Variants in ANK3 observed in about 807,000 individuals in gnomAD.
The protein encoded by ANK3 is ankyrin-3.
In ANK3, 57 loss-of-function variants were observed where a neutral mutation model predicts 370.9. That is an observed-to-expected ratio of 0.15 (90% CI 0.12 to 0.19). The LOEUF is 0.19. ANK3 is among the 10% of genes least tolerant of loss of function. The pLI, the probability that ANK3 is intolerant of heterozygous loss-of-function variation, is 1.00. For synonymous variants in ANK3, 1,929 were observed against 1,946.3 expected (o/e 0.99, Z 0.23); for missense variants, 4,439 against 5,302.1 (o/e 0.84, Z 5.06).
At chr10:60,723,027 A>G (rs866729691) in intron 1 of ANK3, among the ~76,000 whole-genome samples, 1 of 152,238 alleles carries the variant, frequency 6.6e-6, no homozygotes. Flanking sequence ...AATTACTTCA[A>G]TGGAAAAACT....
rs774238257 is a variant in ANK3 at position 60,264,055 on chromosome 10, A to G, written c.514-35T>C. ...AATGGATGGGTCAAGATGGGCTCCA[A>G]TGAATATTTTCTTTTTTATTAAATT... On this transcript the variant is annotated intron_variant, in intron 5 of 43. Transcript: ENST00000280772. 12 of 1,551,636 alleles carry G rather than the reference A, an allele frequency of 7.7e-6. No homozygotes were observed. In the East Asian group the frequency reaches 9.2e-5, roughly 12 times the overall value.
intron 2 of ANK3, among the ~76,000 whole-genome samples, chr10:60,441,985 C>A (rs77974862): frequency 4.3e-4 from 65 of 152,128 alleles, no homozygotes; most frequent in African/African-American, 1.5e-3. Context: ...TCTCTGCAAC[C>A]ACGAGATTGG....
At chr10:60,733,268 C>T (rs2132037724) in exon 1 of ANK3, 2 of 1,239,440 alleles carry the variant, frequency 1.6e-6, no homozygotes, top group South Asian at 7.9e-5. Context: ...CTCACCTGGG[C>T]AGGAGCGGAG....
chr10:60,430,957 A>C (rs2064007500), intron 2 of ANK3, among the ~76,000 whole-genome samples: 1 of 152,214 alleles, frequency 6.6e-6, no homozygotes, highest in Non-Finnish European at 1.5e-5. Flanking sequence ...GATTAAGTTA[A>C]TGCATGTAAA....
chr10:60,367,218 T>C (rs902930199), intron 1 of ANK3, among the ~76,000 whole-genome samples: 1 of 152,222 alleles, frequency 6.6e-6, no homozygotes, highest in Non-Finnish European at 1.5e-5. Flanking sequence ...TAACCGTTCC[T>C]ACCAAATGGG....
At chr10:60,132,931 T>C (rs1207065032) in intron 25 of ANK3, among the ~76,000 whole-genome samples, 3 of 152,112 alleles carry the variant, frequency 2.0e-5, no homozygotes, top group Admixed American at 6.6e-5. Context: ...TCATTTTTAA[T>C]AGAGTTTTTT....
At position 60,240,306 on chromosome 10, in the gene ANK3, A is replaced by ATATATATTTTTT. The variant is rs11282162; in HGVS notation, c.799-5521_799-5520insAAAAAATATATA. ...CATATATATATATATATATATATAT[A>ATATATATTTTTT]TTTTTTTTTCTTTTTGAGATAGAGT... On this transcript the variant is annotated intron_variant, in intron 7 of 43. Coordinates refer to ENST00000280772, the MANE Select transcript of ANK3 (RefSeq NM_020987.5). Among the ~76,000 whole-genome samples the ATATATATTTTTT allele has an allele frequency of 4.4e-3, 531 of 119,736 alleles. 17 individuals carry two copies. Among genetic ancestry groups the ATATATATTTTTT allele is most frequent in the Non-Finnish European group, 7.2e-3 (423 of 58,524 alleles). 78.6% of individuals were successfully genotyped at this position (119,736 alleles called of 152,430 possible). A position where few individuals can be genotyped will look rare whatever the true frequency, so the allele number is the denominator to read the frequency against.
chr10:60,140,953 A>G, intron 23 of ANK3: 4 of 985,584 alleles, frequency 4.1e-6, no homozygotes, highest in Non-Finnish European at 4.8e-6. Flanking sequence ...GAAGAAAACA[A>G]AGCAGTGGCC....
chr10:60,382,985 C>G (rs1229383886), intron 1 of ANK3, among the ~76,000 whole-genome samples: 1 of 151,770 alleles, frequency 6.6e-6, no homozygotes, highest in Non-Finnish European at 1.5e-5. Context: ...CTTTCAACAT[C>G]TCAAAAGTGA....
At position 60,088,142 on chromosome 10, in the gene ANK3, A is replaced by AT; in HGVS notation, c.3540+4dup. The AT allele has an allele frequency of 6.2e-7, 1 of 1,613,820 alleles. No homozygotes were observed. The highest frequency in any genetic ancestry group is 2.2e-5 in the East Asian group (1 of 44,872). ...CTGAGGGAAACAACTTTTTGTGAACATTACCTGGAGGCCCACTCGAATTCT... is the reference window on the plus strand; with the variant it reads ...CTGAGGGAAACAACTTTTTGTGAACATTTACCTGGAGGCCCACTCGAATTCT... On this transcript the variant is annotated splice_donor_region_variant and intron_variant, in intron 29 of 43. Coordinates refer to ENST00000280772, the MANE Select transcript of ANK3 (RefSeq NM_020987.5).
chr10:60,597,201 A>T (rs566512906), intron 2 of ANK3, among the ~76,000 whole-genome samples: 2 of 152,284 alleles, frequency 1.3e-5, no homozygotes, highest in Admixed American at 1.3e-4. Context: ...AGAAATGTCT[A>T]TCAATATTTA....
At chr10:60,306,836 T>C (rs2045244596) in intron 1 of ANK3, among the ~76,000 whole-genome samples, 1 of 152,232 alleles carries the variant, frequency 6.6e-6, no homozygotes, top group African/African-American at 2.4e-5. Context: ...ACTTAGGGTA[T>C]TTATGAATGG....
At chr10:60,428,970 A>G (rs987019684) in intron 2 of ANK3, among the ~76,000 whole-genome samples, 6 of 152,192 alleles carry the variant, frequency 3.9e-5, no homozygotes, top group Non-Finnish European at 7.3e-5. Flanking sequence ...GCTTATTTTA[A>G]ATGTCTATGT....
intron 1 of ANK3, chr10:60,300,449 G>A (rs1052854248): frequency 1.6e-6 from 2 of 1,286,422 alleles, no homozygotes; most frequent in African/African-American, 3.0e-5. Flanking sequence ...AAATGTAAAG[G>A]TTTCCCCCAC....
At chr10:60,116,011 A>G (rs1167933291) in intron 25 of ANK3, among the ~76,000 whole-genome samples, 1 of 152,138 alleles carries the variant, frequency 6.6e-6, no homozygotes, top group African/African-American at 2.4e-5. Context: ...CAGAGAGAAT[A>G]AGAGAAAACA....
intron 42 of ANK3, among the ~76,000 whole-genome samples, chr10:60,054,512 C>G (rs1051301725): frequency 6.6e-6 from 1 of 152,064 alleles, no homozygotes; most frequent in African/African-American, 2.4e-5. Flanking sequence ...AAGCAACTTA[C>G]TTACAGGGAA....
intron 2 of ANK3, among the ~76,000 whole-genome samples, chr10:60,505,320 A>G (rs2075908570): frequency 6.6e-6 from 1 of 152,034 alleles, no homozygotes; most frequent in Admixed American, 6.6e-5. Flanking sequence ...AAAGATATAT[A>G]TATAAATTAT....
intron 2 of ANK3, among the ~76,000 whole-genome samples, chr10:60,520,445 A>T (rs2076322931): frequency 6.6e-6 from 1 of 152,190 alleles, no homozygotes; most frequent in Non-Finnish European, 1.5e-5. Flanking sequence ...TTAAAAAAAT[A>T]ATAAATTTTG....
chr10:60,403,669 G>A (rs1567012124), intron 2 of ANK3, among the ~76,000 whole-genome samples: 3 of 152,114 alleles, frequency 2.0e-5, no homozygotes, highest in Non-Finnish European at 4.4e-5. Context: ...CTCATTGCAA[G>A]CTCCACCTCC....
Sources: gnomAD v4.1 joint callset for allele counts (sites outside exome capture counted in the v4.1 genomes callset) on GRCh38, gnomAD v4.1.1 for gene constraint, MANE v1.5 for transcripts, NCBI Gene and HGNC (gene_info 2026-07-23, HGNC 2026-07-21) for gene names.